BARHL1: variants seen among roughly 807,000 people sequenced by gnomAD.
BARHL1 encodes BarH like homeobox 1, also known as barH-like 1 homeobox protein.
BARHL1 carries 2 observed loss-of-function variants against 20.1 expected under a neutral mutation model. That is an observed-to-expected ratio of 0.10 (90% CI 0.04 to 0.31). The LOEUF is 0.31. BARHL1 is among the 10% of genes least tolerant of loss of function. BARHL1 has a pLI of 1.00. For synonymous variants in BARHL1, 213 were observed against 209.9 expected, an observed-to-expected ratio of 1.01 and a Z score of -0.13; for missense variants, 397 against 454.0, an observed-to-expected ratio of 0.87 and a Z score of 1.14.
rs748560585 is a variant in BARHL1 at position 132,589,441 on chromosome 9, C to A, written c.903C>A (p.His301Gln). The A allele has an allele frequency of 1.2e-6, 2 of 1,600,460 alleles. No homozygotes were observed. Among genetic ancestry groups the A allele is most frequent in the Non-Finnish European group, 1.7e-6 (2 of 1,174,984 alleles). Residue 301 changes from histidine to glutamine, a missense_variant, in exon 3 of 3, where the codon CAC (histidine) becomes CAA (glutamine). Transcript: ENST00000263610. ...CTCTGGTGCCCCGCATCCTCATCCA[C>A]GGACTCCAGGGCGCCAGCGAGCCGC... ...QRPLVPRILI[H>Q]GLQGASEPPP...
At chr9:132,583,704 G>A (rs1271422276) in intron 1 of BARHL1, among the ~76,000 whole-genome samples, 5 of 152,336 alleles carry the variant, frequency 3.3e-5, no homozygotes, top group Admixed American at 2.0e-4. Context: ...CCTGAGAACC[G>A]TCAGAATTTT....
Position 132,587,291 on chromosome 9 carries a change from C to G in BARHL1, c.467-38C>G. The G allele has an allele frequency of 6.5e-7, 1 of 1,542,354 alleles. No individual in the cohort carries two copies. Among genetic ancestry groups the G allele is most frequent in the Non-Finnish European group, 8.8e-7 (1 of 1,141,692 alleles). On this transcript the variant is annotated intron_variant, in intron 1 of 2. Transcript: ENST00000263610. The surrounding 1 kb of genome is among the most constrained non-coding windows in gnomAD (Gnocchi z 5.5). ...AGGAGCGGGAGGGCACCGGCGGCGG[C>G]TGCGAGGCCGGGCCCTGACATGCCG...
In BARHL1 at chr9:132,589,598, T is replaced by C. The variant is rs1830184882; in HGVS notation, c.*76T>C. 2.1e-5 allele frequency: 26 copies of C among 1,235,352 alleles called. No homozygotes were observed. The East Asian group carries it at 8.8e-4, about 42-fold the overall frequency. 76.5% of individuals were successfully genotyped at this position (1,235,352 alleles called of 1,614,324 possible). ...CCGCCCGCCTTTCTGAGGGCGCAGG[T>C]TCGACGCCCTTTCCCGGGAGGGGGC... is the stretch of plus-strand genomic sequence containing the variant. On this transcript the variant is annotated 3_prime_UTR_variant, in exon 3 of 3. Coordinates refer to ENST00000263610, the MANE Select transcript of BARHL1 (RefSeq NM_020064.4).
At chr9:132,584,870 A>G (rs115192974) in intron 1 of BARHL1, among the ~76,000 whole-genome samples, 2,106 of 152,230 alleles carry the variant, frequency 0.014, 51 homozygotes, top group African/African-American at 0.047. Flanking sequence ...AAGGGGGAGG[A>G]GGAAGGAGGG....
Position 132,582,991 on chromosome 9 carries a change from G to A in BARHL1, c.194G>A (p.Arg65Gln), listed in dbSNP as rs763126000. The A allele has an allele frequency of 2.0e-5, 32 of 1,613,614 alleles. No homozygotes were observed. Among genetic ancestry groups the A allele is most frequent in the Non-Finnish European group, 5.1e-6 (6 of 1,179,934 alleles). ...GRDCLETGTP[R>Q]PGGASGPGLD... is the part of the protein sequence containing the mutation. ...GACTGTTTGGAGACGGGGACCCCACGGCCTGGCGGGGCATCCGGCCCAGGT... is the reference window on the plus strand; with the variant it reads ...GACTGTTTGGAGACGGGGACCCCACAGCCTGGCGGGGCATCCGGCCCAGGT... Residue 65 changes from arginine to glutamine, a missense_variant, in exon 1 of 3, where the codon CGG becomes CAG. Physicochemically the swap from Arg to Gln is conservative, Grantham distance 43. This residue lies in a region of BARHL1 where 272 missense variants were observed against 298.7 expected (regional missense o/e 0.91). Coordinates refer to ENST00000263610, the MANE Select transcript of BARHL1 (RefSeq NM_020064.4).
chr9:132,589,479 C>A lies in BARHL1; in HGVS notation c.941C>A (p.Pro314His), dbSNP rs750410264. Residue 314 changes from proline (P) to histidine (H), a missense_variant, in exon 3 of 3, where the codon CCC becomes CAC. Physicochemically the swap from Pro to His is moderately conservative, Grantham distance 77. Around this residue, in one of 3 missense-constraint regions of BARHL1, gnomAD observed 121 missense variants for 135.9 expected, o/e 0.89. Coordinates refer to ENST00000263610, the MANE Select transcript of BARHL1 (RefSeq NM_020064.4). ...QGASEPPPPL[P>H]PLAGVLPRAA... Reference sequence around the variant, plus strand: ...GCCAGCGAGCCGCCCCCGCCGCTGCCCCCCCTGGCCGGCGTCCTCCCACGC... The same window carrying A: ...GCCAGCGAGCCGCCCCCGCCGCTGCACCCCCTGGCCGGCGTCCTCCCACGC... The A allele has an allele frequency of 2.4e-5, 36 of 1,491,264 alleles. No homozygotes were observed. Among genetic ancestry groups the A allele is most frequent in the Non-Finnish European group, 3.0e-5 (34 of 1,124,244 alleles). The allele number at this position is 1,491,264 out of a possible 1,614,324, so 92.4% of individuals were successfully genotyped here.
chr9:132,584,082 C>T (rs1254905660), intron 1 of BARHL1, among the ~76,000 whole-genome samples: 1 of 150,180 alleles, frequency 6.7e-6, no homozygotes, highest in Non-Finnish European at 1.5e-5. Flanking sequence ...TTCATCCCAT[C>T]GTAACCAAGG....
Position 132,589,926 on chromosome 9 carries a change from T to G in BARHL1, c.*404T>G. 9 of 160,116 alleles carry G rather than the reference T, an allele frequency of 5.6e-5. No homozygotes were observed. The highest frequency in any genetic ancestry group is 8.1e-5 in the Non-Finnish European group (6 of 73,902). The allele number at this position is 160,116 out of a possible 1,614,324, so 9.9% of individuals were successfully genotyped here. A position where few individuals can be genotyped will look rare whatever the true frequency, so the allele number is the denominator to read the frequency against. On this transcript the variant is annotated 3_prime_UTR_variant, in exon 3 of 3. Coordinates refer to ENST00000263610, the MANE Select transcript of BARHL1 (RefSeq NM_020064.4). The stretch of plus-strand genomic sequence containing the variant: ...CGCTCCAGGTGGAGAACAGCCCCTC[T>G]CCCCGCGCCCCCGCCAGGGAGAGAA...
chr9:132,584,840 GGA>G (rs1293508672), intron 1 of BARHL1, among the ~76,000 whole-genome samples: 1 of 152,208 alleles, frequency 6.6e-6, no homozygotes, highest in African/African-American at 2.4e-5. Flanking sequence ...AACTTGCGCT[GGA>G]GAGAGACTGG....
chr9:132,588,545 T>C (rs1830171725), intron 2 of BARHL1, among the ~76,000 whole-genome samples: 1 of 152,010 alleles, frequency 6.6e-6, no homozygotes, highest in Non-Finnish European at 1.5e-5. Context: ...CAGGTGAGCC[T>C]AGGGTCCAGG....
chr9:132,587,492 G>A lies in BARHL1; in HGVS notation c.630G>A (p.Glu210=). 6.2e-7 allele frequency: 1 copy of A among 1,612,650 alleles called. No individual in the cohort carries two copies. The highest frequency in any genetic ancestry group is 8.5e-7 in the Non-Finnish European group (1 of 1,179,642). ...ACCTGAGCGTGCAGGACCGCATGGAGCTCGCCGCCTCGCTCAACCTCACCG... is the reference window on the plus strand; with the variant it reads ...ACCTGAGCGTGCAGGACCGCATGGAACTCGCCGCCTCGCTCAACCTCACCG... The part of the protein sequence containing the change: ...QKYLSVQDRM[E]LAASLNLTDT... Residue 210 remains glutamate (E), a synonymous_variant, in exon 2 of 3, where the codon GAG becomes GAA. Transcript: ENST00000263610. The surrounding 1 kb of genome is among the most constrained non-coding windows in gnomAD (Gnocchi z 5.5).
At chr9:132,585,498 C>G (rs1316620019) in intron 1 of BARHL1, among the ~76,000 whole-genome samples, 1 of 152,186 alleles carries the variant, frequency 6.6e-6, no homozygotes, top group African/African-American at 2.4e-5. Context: ...AGCCAAAACT[C>G]GGCTTTGAAG....
chr9:132,583,758 T>C (rs981309129), intron 1 of BARHL1, among the ~76,000 whole-genome samples: 1 of 152,204 alleles, frequency 6.6e-6, no homozygotes, highest in African/African-American at 2.4e-5. Context: ...AAAACAGGGC[T>C]TTTCCTCCCA....
chr9:132,586,901 G>A (rs1011629932), intron 1 of BARHL1, among the ~76,000 whole-genome samples: 1 of 152,246 alleles, frequency 6.6e-6, no homozygotes. Context: ...TTCCTGTCAC[G>A]GACGCAGCCG....
rs753770078 is a variant in BARHL1 at position 132,583,034 on chromosome 9, G to A, written c.237G>A (p.Gln79=). 5 of 1,613,844 alleles carry A rather than the reference G, an allele frequency of 3.1e-6. No individual in the cohort carries two copies. The East Asian group carries it at 8.9e-5, about 29-fold the overall frequency. Residue 79 remains glutamine, a synonymous_variant, in exon 1 of 3, where the codon CAG becomes CAA. Coordinates refer to ENST00000263610, the MANE Select transcript of BARHL1 (RefSeq NM_020064.4). ...ASGPGLDSHL[Q]PGQLSAPAQS... ...GCCCAGGTTTGGACTCCCACCTGCAGCCCGGGCAGCTCTCAGCCCCGGCCC... is the reference window on the plus strand; with the variant it reads ...GCCCAGGTTTGGACTCCCACCTGCAACCCGGGCAGCTCTCAGCCCCGGCCC...
Position 132,583,202 on chromosome 9 carries a change from G to A in BARHL1, c.405G>A (p.Glu135=), listed in dbSNP as rs557629544. ...GCCGCCTTGCGGCCAAGGCCGCGGA[G>A]GACTTTAGAGACAAGCTGGACAAAA... ...PGGRLAAKAA[E]DFRDKLDKSG... The change falls in exon 1 of 3, where the codon GAG becomes GAA. Residue 135 remains glutamate, a synonymous_variant. Transcript: ENST00000263610. 3.7e-5 allele frequency: 59 copies of A among 1,613,376 alleles called. 1 individual carries two copies. In the South Asian group the frequency reaches 4.1e-4, roughly 11 times the overall value.
chr9:132,583,582 G>A (rs1311365824), intron 1 of BARHL1, among the ~76,000 whole-genome samples: 1 of 152,230 alleles, frequency 6.6e-6, no homozygotes, highest in Non-Finnish European at 1.5e-5. Context: ...GACAGGAGCA[G>A]GTCCCAATCA....
In BARHL1 at chr9:132,583,064, G is replaced by A. The variant is rs374889537; in HGVS notation, c.267G>A (p.Ser89=). 1 of 1,613,902 alleles carries A rather than the reference G, an allele frequency of 6.2e-7. No homozygotes were observed. The highest frequency in any genetic ancestry group is 1.3e-5 in the African/African-American group (1 of 75,058). The change falls in exon 1 of 3, where the codon TCG becomes TCA. Residue 89 remains serine, a synonymous_variant. Coordinates refer to ENST00000263610, the MANE Select transcript of BARHL1 (RefSeq NM_020064.4). ...GGCAGCTCTCAGCCCCGGCCCAGTC[G>A]CGCACCGTCACCTCCTCCTTTCTGA... The part of the protein sequence containing the change: ...QPGQLSAPAQ[S]RTVTSSFLIR...
In BARHL1 at chr9:132,583,060, A is replaced by G; in HGVS notation, c.263A>G (p.Gln88Arg). ...LQPGQLSAPA[Q>R]SRTVTSSFLI... Reference sequence around the variant, plus strand: ...CCCGGGCAGCTCTCAGCCCCGGCCCAGTCGCGCACCGTCACCTCCTCCTTT... The same window carrying G: ...CCCGGGCAGCTCTCAGCCCCGGCCCGGTCGCGCACCGTCACCTCCTCCTTT... Residue 88 changes from glutamine to arginine, a missense_variant, in exon 1 of 3, where the codon CAG becomes CGG. Gln to Arg is a conservative substitution (Grantham distance 43, BLOSUM62 1). Transcript: ENST00000263610. The G allele has an allele frequency of 6.2e-7, 1 of 1,613,862 alleles. No individual in the cohort carries two copies. The highest frequency in any genetic ancestry group is 8.5e-7 in the Non-Finnish European group (1 of 1,179,942).
Sources: gnomAD v4.1 joint callset for allele counts (sites outside exome capture counted in the v4.1 genomes callset) on GRCh38, gnomAD v4.1.1 for gene constraint, gnomAD v4.1.1 regional missense constraint, Gnocchi (gnomAD v3.1) non-coding constraint, MANE v1.5 for transcripts, NCBI Gene and HGNC (gene_info 2026-07-23, HGNC 2026-07-21) for gene names.